ADGRV1: variants seen among roughly 807,000 people sequenced by gnomAD.
The protein encoded by ADGRV1 is adhesion G protein-coupled receptor V1, also known as G-protein coupled receptor 98.
ADGRV1 carries 359 observed loss-of-function variants against 596.2 expected under a neutral mutation model. The observed-to-expected ratio is 0.60, with a 90% CI of 0.55 to 0.66. The LOEUF is 0.66. Among genes scored for constraint, ADGRV1 ranks in the 30% least tolerant of loss-of-function variants. The probability of loss-of-function intolerance (pLI) is 0.00; values close to 1 mark genes in which losing one functional copy is unlikely to be tolerated. For missense variants in ADGRV1, 7,274 were observed against 7,575.6 expected, an observed-to-expected ratio of 0.96 and a Z score of 1.48; for synonymous variants, 2,681 against 2,679.2, an observed-to-expected ratio of 1.00 and a Z score of -0.02.
chr5:90,605,811 GT>G (rs1250473371), intron 1 of ADGRV1, among the ~76,000 whole-genome samples: 1 of 152,094 alleles, frequency 6.6e-6, no homozygotes, highest in Non-Finnish European at 1.5e-5. Flanking sequence ...ATAAGGTAAG[GT>G]TTCTGGGTGA....
chr5:90,912,844 T>A (rs1003056786), intron 83 of ADGRV1, among the ~76,000 whole-genome samples: 2 of 152,176 alleles, frequency 1.3e-5, no homozygotes, highest in African/African-American at 4.8e-5. Flanking sequence ...GTTGATTCCT[T>A]GTCTTTGCTA....
At chr5:91,079,592 A>G (rs1294260039) in intron 86 of ADGRV1, among the ~76,000 whole-genome samples, 1 of 152,206 alleles carries the variant, frequency 6.6e-6, no homozygotes, top group Non-Finnish European at 1.5e-5. Flanking sequence ...AGTAAAAAGG[A>G]AAATCATATT....
intron 83 of ADGRV1, among the ~76,000 whole-genome samples, chr5:90,886,639 A>G (rs769377690): frequency 2.0e-5 from 3 of 152,156 alleles, no homozygotes; most frequent in Non-Finnish European, 2.9e-5. Context: ...CTCTGGTCTT[A>G]TATACTCTGT....
At chr5:91,046,584 AC>A (rs1785835243) in intron 85 of ADGRV1, among the ~76,000 whole-genome samples, 1 of 152,068 alleles carries the variant, frequency 6.6e-6, no homozygotes, top group Non-Finnish European at 1.5e-5. Context: ...ACGTTGGAAA[AC>A]CCCTTCTACG....
At chr5:90,972,846 AAGATC>A (rs1334860588) in intron 84 of ADGRV1, among the ~76,000 whole-genome samples, 3 of 152,198 alleles carry the variant, frequency 2.0e-5, no homozygotes, top group Non-Finnish European at 2.9e-5. Context: ...AGAAATAACT[AAGATC>A]AGAGCAGAAA....
intron 83 of ADGRV1, among the ~76,000 whole-genome samples, chr5:90,893,678 T>C (rs1435995980): frequency 6.6e-6 from 1 of 152,230 alleles, no homozygotes. Flanking sequence ...ATTTAATAAT[T>C]TTGGAACAAA....
At chr5:91,028,247 C>A (rs1387301512) in intron 85 of ADGRV1, among the ~76,000 whole-genome samples, 1 of 151,918 alleles carries the variant, frequency 6.6e-6, no homozygotes, top group Non-Finnish European at 1.5e-5. Flanking sequence ...TTCCACTATT[C>A]CCTCTTCTCC....
At chr5:90,669,222 C>T (rs1772069979) in intron 21 of ADGRV1, among the ~76,000 whole-genome samples, 1 of 152,182 alleles carries the variant, frequency 6.6e-6, no homozygotes, top group Non-Finnish European at 1.5e-5. Context: ...CATGAAAATC[C>T]TGATGTAGAT....
intron 85 of ADGRV1, among the ~76,000 whole-genome samples, chr5:91,052,678 C>T (rs1371360571): frequency 6.6e-6 from 1 of 152,136 alleles, no homozygotes; most frequent in Non-Finnish European, 1.5e-5. Context: ...AGGTGATCCA[C>T]CCGCCTTGGC....
chr5:91,104,860 C>CTTTTTTTTTTTTTT (rs60957930), intron 87 of ADGRV1, among the ~76,000 whole-genome samples: 4 of 125,994 alleles, frequency 3.2e-5, no homozygotes, highest in African/African-American at 5.9e-5. Context: ...CTTTTCTTTT[C>CTTTTTTTTTTTTTT]TTTTTTTTTT....
chr5:90,596,482 C>T (rs2152011685), intron 1 of ADGRV1, among the ~76,000 whole-genome samples: 1 of 152,200 alleles, frequency 6.6e-6, no homozygotes, highest in East Asian at 1.9e-4. Flanking sequence ...CACGCCACTG[C>T]ACTCCAGCCT....
In ADGRV1 at chr5:90,637,751, A is replaced by G. The variant is rs994398638; in HGVS notation, c.2043A>G (p.Gly681=). The G allele has an allele frequency of 2.7e-5, 43 of 1,612,816 alleles. No homozygotes were observed. Among genetic ancestry groups the G allele is most frequent in the Non-Finnish European group, 3.4e-5 (40 of 1,179,462 alleles). Residue 681 remains glycine (G), a synonymous_variant, in exon 11 of 90, where the codon GGA becomes GGG. Transcript: ENST00000405460. ...EVVYIPLHRD[G]TDGQATVYWS... ...TATACATTCCCTTACATCGGGATGGAACTGATGGCCAGGCTACTGTCTACT... is the reference window on the plus strand; with the variant it reads ...TATACATTCCCTTACATCGGGATGGGACTGATGGCCAGGCTACTGTCTACT...
intron 1 of ADGRV1, 38 bp downstream of exon 1, chr5:90,558,955 T>A (rs1366335930): frequency 6.5e-7 from 1 of 1,542,606 alleles, no homozygotes; most frequent in Non-Finnish European, 8.8e-7. Context: ...CGAGCATCGC[T>A]GAGCCCCAGG....
chr5:90,862,322 C>T (rs1767676722), intron 82 of ADGRV1, among the ~76,000 whole-genome samples: 1 of 151,430 alleles, frequency 6.6e-6, no homozygotes, highest in Non-Finnish European at 1.5e-5. Context: ...ATGAAAAAAA[C>T]CTTGCAAGGC....
intron 86 of ADGRV1, among the ~76,000 whole-genome samples, chr5:91,086,104 G>A (rs1034786115): frequency 6.6e-6 from 1 of 152,092 alleles, no homozygotes; most frequent in Non-Finnish European, 1.5e-5. Flanking sequence ...TCTTTTACAA[G>A]TATTTTCCTG....
chr5:90,668,002 G>C (rs1339978715), intron 21 of ADGRV1, among the ~76,000 whole-genome samples: 1 of 151,900 alleles, frequency 6.6e-6, no homozygotes, highest in African/African-American at 2.4e-5. Context: ...GAGAACCACT[G>C]CTCTCTTCAA....
At chr5:91,010,481 A>T (rs1253993946) in intron 85 of ADGRV1, among the ~76,000 whole-genome samples, 1 of 152,124 alleles carries the variant, frequency 6.6e-6, no homozygotes, top group Non-Finnish European at 1.5e-5. Context: ...GAAATATTTG[A>T]AATAGAGATA....
intron 21 of ADGRV1, among the ~76,000 whole-genome samples, chr5:90,665,980 AGT>A (rs1221211823): frequency 1.3e-5 from 2 of 150,542 alleles, no homozygotes; most frequent in Non-Finnish European, 3.0e-5. Flanking sequence ...TCTGAGAGAT[AGT>A]TTGTTATAAT....
chr5:90,619,677 T>C (rs1237938186), intron 4 of ADGRV1, among the ~76,000 whole-genome samples: 51 of 152,076 alleles, frequency 3.4e-4, no homozygotes, highest in Non-Finnish European at 1.5e-5. Context: ...TGTATACATA[T>C]GCCATGCTGG....
Sources: allele counts gnomAD v4.1 joint callset (sites outside exome capture counted in the v4.1 genomes callset), GRCh38; gene constraint gnomAD v4.1.1; transcripts MANE v1.5; gene names NCBI Gene and HGNC (gene_info 2026-07-23, HGNC 2026-07-21).